Variants in ADGB observed in about 807,000 individuals in gnomAD.
The protein encoded by ADGB is androglobin, also known as calpain-7-like protein.
A neutral mutation model predicts 210.5 loss-of-function variants in ADGB; 172 were observed. The observed-to-expected ratio is 0.82, with a 90% CI of 0.72 to 0.93. ADGB has a LOEUF of 0.93. Among genes scored for constraint, ADGB ranks in the 40% least tolerant of loss-of-function variants. The probability of loss-of-function intolerance (pLI) is 0.00; values close to 1 mark genes in which losing one functional copy is unlikely to be tolerated. For missense variants in ADGB, 2,025 were observed against 1,964.8 expected (o/e 1.03, Z -0.58); for synonymous variants, 658 against 662.7 (o/e 0.99, Z 0.11).
At chr6:146,728,318 A>C (rs183055247) in intron 19 of ADGB, among the ~76,000 whole-genome samples, 113 of 152,252 alleles carry the variant, frequency 7.4e-4, no homozygotes, top group Non-Finnish European at 8.8e-4. Context: ...CTGGTTATTA[A>C]TACGGTGGGG....
chr6:146,658,866 A>G (rs191983081), intron 5 of ADGB, among the ~76,000 whole-genome samples: 1 of 152,274 alleles, frequency 6.6e-6, no homozygotes, highest in Non-Finnish European at 1.5e-5. Flanking sequence ...CTGTTTCCTC[A>G]GTGGTCTCAT....
intron 35 of ADGB, among the ~76,000 whole-genome samples, chr6:146,808,290 A>G (rs765191417): frequency 1.4e-4 from 22 of 152,090 alleles, no homozygotes; most frequent in Non-Finnish European, 2.4e-4. Context: ...GTGAGCCACC[A>G]CTTTGGGCCA....
chr6:146,737,928 T>A (rs1168541061), intron 23 of ADGB, among the ~76,000 whole-genome samples: 1 of 152,180 alleles, frequency 6.6e-6, no homozygotes, highest in Non-Finnish European at 1.5e-5. Flanking sequence ...ATGCTTTGAG[T>A]TCTACATACA....
chr6:146,727,056 T>C (rs1776905466), intron 19 of ADGB, among the ~76,000 whole-genome samples: 1 of 151,952 alleles, frequency 6.6e-6, no homozygotes, highest in Admixed American at 6.6e-5. Context: ...GACCAGTATG[T>C]CCCCTAAAAT....
At chr6:146,662,982 T>A (rs895488977) in intron 5 of ADGB, among the ~76,000 whole-genome samples, 13 of 146,318 alleles carry the variant, frequency 8.9e-5, no homozygotes, top group African/African-American at 3.2e-4. Context: ...TTATAATGTA[T>A]ATAATATATA....
At position 146,800,667 on chromosome 6, in the gene ADGB, G is replaced by A. The variant is rs540941822; in HGVS notation, c.4538-516G>A. On this transcript the variant is annotated intron_variant, in intron 33 of 35. Coordinates refer to ENST00000397944, the MANE Select transcript of ADGB (RefSeq NM_024694.4). Reference sequence around the variant, plus strand: ...AGCTGCTGCTAATTTGATTTTCAGTGTTTATCTTTTATATATTGCCTACTC... The same window carrying A: ...AGCTGCTGCTAATTTGATTTTCAGTATTTATCTTTTATATATTGCCTACTC... 2.0e-5 allele frequency among the ~76,000 whole-genome samples: 3 copies of A among 152,140 alleles called. No homozygotes were observed. The East Asian group carries it at 5.8e-4, about 29-fold the overall frequency.
At chr6:146,813,526 T>A (rs1180576432) in intron 35 of ADGB, among the ~76,000 whole-genome samples, 1 of 152,206 alleles carries the variant, frequency 6.6e-6, no homozygotes, top group Non-Finnish European at 1.5e-5. Flanking sequence ...AATACTATGC[T>A]TTCATTTTTG....
intron 1 of ADGB, among the ~76,000 whole-genome samples, chr6:146,602,265 T>C (rs1780567124): frequency 6.6e-6 from 1 of 152,182 alleles, no homozygotes; most frequent in Non-Finnish European, 1.5e-5. Flanking sequence ...TTGAAATTGC[T>C]CTTACCCCAG....
intron 13 of ADGB, among the ~76,000 whole-genome samples, chr6:146,715,031 C>T (rs1237300960): frequency 6.6e-6 from 1 of 152,060 alleles, no homozygotes; most frequent in African/African-American, 2.4e-5. Context: ...CAGTCATAAT[C>T]TTATTAAGTT....
chr6:146,803,729 C>T (rs1778166699), intron 35 of ADGB: 1 of 905,466 alleles, frequency 1.1e-6, no homozygotes, highest in African/African-American at 1.7e-5. Flanking sequence ...AGTACCGGCG[C>T]CTCATGGTAC....
At chr6:146,783,630 AG>A (rs748284480) in intron 30 of ADGB, among the ~76,000 whole-genome samples, 2 of 152,190 alleles carry the variant, frequency 1.3e-5, no homozygotes, top group Non-Finnish European at 2.9e-5. Flanking sequence ...TATTGTAGAA[AG>A]CAAGGTCATT....
intron 12 of ADGB, among the ~76,000 whole-genome samples, chr6:146,694,239 T>G (rs549842202): frequency 1.2e-3 from 179 of 152,156 alleles, no homozygotes; most frequent in Non-Finnish European, 2.4e-3. Flanking sequence ...TACCATAGAC[T>G]TGTGGCTTGT....
At chr6:146,697,657 A>T (rs1776425575) in intron 12 of ADGB, among the ~76,000 whole-genome samples, 1 of 152,156 alleles carries the variant, frequency 6.6e-6, no homozygotes, top group African/African-American at 2.4e-5. Flanking sequence ...GACCTATGAG[A>T]CACGTTGAAC....
rs9497595 is a variant in ADGB at position 146,662,925 on chromosome 6, T to C, written c.613-1276T>C. Reference sequence around the variant, plus strand: ...TTCCACAATCTTCTTATATATAATATATATATAACTTAATAATGTTATATA... The same window carrying C: ...TTCCACAATCTTCTTATATATAATACATATATAACTTAATAATGTTATATA... On this transcript the variant is annotated intron_variant, in intron 5 of 35. Coordinates refer to ENST00000397944, the MANE Select transcript of ADGB (RefSeq NM_024694.4). Among the ~76,000 whole-genome samples the C allele has an allele frequency of 4.3e-3, 628 of 146,840 alleles. 2 individuals carry two copies. The highest frequency in any genetic ancestry group is 0.015 in the African/African-American group (613 of 40,412).
chr6:146,781,023 G>A (rs981211644), intron 29 of ADGB, among the ~76,000 whole-genome samples: 3 of 151,924 alleles, frequency 2.0e-5, no homozygotes, highest in African/African-American at 7.3e-5. Flanking sequence ...AAAGGAAGTA[G>A]AAGCAATAAG....
At position 146,651,731 on chromosome 6, in the gene ADGB, A is replaced by G. The variant is rs1775705104; in HGVS notation, c.331-2404A>G. 2.6e-5 allele frequency among the ~76,000 whole-genome samples: 4 copies of G among 152,124 alleles called. 1 individual carries two copies. In the South Asian group the frequency reaches 8.3e-4, roughly 32 times the overall value. ...TGGGTCTCTATGCCTGGTTTATTTC[A>G]AAAGTAGCCCCTGGGATTTTTAAGC... On this transcript the variant is annotated intron_variant, in intron 3 of 35. Transcript: ENST00000397944.
chr6:146,724,862 C>T (rs756946922), intron 18 of ADGB: 3 of 151,954 alleles, frequency 2.0e-5, no homozygotes, highest in Non-Finnish European at 4.4e-5. Flanking sequence ...AAAGAAAATA[C>T]ATATAATGGA....
chr6:146,813,238 T>A (rs80284270), intron 35 of ADGB, among the ~76,000 whole-genome samples: 2,845 of 151,334 alleles, frequency 0.019, 82 homozygotes, highest in African/African-American at 0.061. Flanking sequence ...TTCTCCCCTT[T>A]CTCCAGCATT....
rs1394207225 is a variant in ADGB at position 146,815,137 on chromosome 6, G to A, written c.4924G>A (p.Glu1642Lys). ...HLKLETLAAQEAAMKLETEKM... is the reference protein window; with the variant it reads ...HLKLETLAAQKAAMKLETEKM... The stretch of plus-strand genomic sequence containing the variant: ...AAAGCTGGAAACTCTGGCTGCTCAG[G>A]AAGCAGCCATGAAGCTGGAGACAGA... The change falls in exon 36 of 36, where the codon GAA (glutamate) becomes AAA (lysine). Residue 1642 changes from glutamate to lysine, a missense_variant. Glu to Lys is a moderately conservative substitution (Grantham distance 56, BLOSUM62 1). Coordinates refer to ENST00000397944, the MANE Select transcript of ADGB (RefSeq NM_024694.4). 8 of 1,546,874 alleles carry A rather than the reference G, an allele frequency of 5.2e-6. No individual in the cohort carries two copies. The South Asian group carries it at 6.0e-5, about 12-fold the overall frequency.
Sources: gnomAD v4.1 joint callset for allele counts (sites outside exome capture counted in the v4.1 genomes callset) on GRCh38, gnomAD v4.1.1 for gene constraint, MANE v1.5 for transcripts, NCBI Gene and HGNC (gene_info 2026-07-23, HGNC 2026-07-21) for gene names.